Variants in SCGB2B2 observed in about 807,000 individuals in gnomAD.
SCGB2B2 encodes secretoglobin family 2B member 2, also known as secretoglobin-like protein.
Under a neutral mutation model 7.6 loss-of-function variants are expected in SCGB2B2, and 11 were observed. The ratio of observed to expected loss-of-function variants is 1.45; its 90% CI spans 0.91 to 2.40. The LOEUF is 2.40. SCGB2B2 is among the 30% of genes most tolerant of loss of function. The pLI, the probability that SCGB2B2 is intolerant of heterozygous loss-of-function variation, is 0.00. For synonymous variants in SCGB2B2, 50 were observed against 48.6 expected, an observed-to-expected ratio of 1.03 and a Z score of -0.12; for missense variants, 104 against 115.4, an observed-to-expected ratio of 0.90 and a Z score of 0.45.
intron 1 of SCGB2B2, among the ~76,000 whole-genome samples, chr19:34,621,911 G>C (rs1441915131): frequency 6.6e-6 from 1 of 152,210 alleles, no homozygotes; most frequent in South Asian, 2.1e-4. Flanking sequence ...CCTCTGGGAG[G>C]AAAGTGTCTG....
At chr19:34,617,204 T>G (rs1442929699) in intron 1 of SCGB2B2, among the ~76,000 whole-genome samples, 2 of 152,150 alleles carry the variant, frequency 1.3e-5, no homozygotes, top group Non-Finnish European at 2.9e-5. Flanking sequence ...TAAAGTAGTT[T>G]TTTCCAATTC....
chr19:34,586,117 G>A (rs1186152567), downstream of SCGB2B2, among the ~76,000 whole-genome samples: 1 of 152,112 alleles, frequency 6.6e-6, no homozygotes, highest in South Asian at 2.1e-4. Flanking sequence ...AAACACAGTT[G>A]AGTTTTGGGG....
intron 1 of SCGB2B2, among the ~76,000 whole-genome samples, chr19:34,644,371 T>TG (rs1291238008): frequency 6.9e-6 from 1 of 144,736 alleles, no homozygotes; most frequent in East Asian, 1.9e-4. Context: ...TGTTTTTTTT[T>TG]TTTTACTCTG....
At chr19:34,626,605 A>G (rs1289425649) in intron 1 of SCGB2B2, among the ~76,000 whole-genome samples, 1 of 152,246 alleles carries the variant, frequency 6.6e-6, no homozygotes, top group Admixed American at 6.5e-5. Context: ...ATATGGGACC[A>G]TGTGAAAAGA....
chr19:34,607,049 C>T (rs2065801331), intron 1 of SCGB2B2, among the ~76,000 whole-genome samples: 2 of 152,300 alleles, frequency 1.3e-5, no homozygotes, highest in South Asian at 2.1e-4. Context: ...ATTCATCCCC[C>T]GGCTACACTT....
chr19:34,663,635 C>T (rs1215251863), intron 1 of SCGB2B2, among the ~76,000 whole-genome samples: 1 of 152,202 alleles, frequency 6.6e-6, no homozygotes, highest in African/African-American at 2.4e-5. Flanking sequence ...CTTTCTTCAA[C>T]TGCAGGGGTA....
chr19:34,672,228 A>ATT (rs11372781), intron 1 of SCGB2B2, among the ~76,000 whole-genome samples: 1,848 of 146,250 alleles, frequency 0.013, 18 homozygotes, highest in Non-Finnish European at 0.016. Context: ...TTTTTCTCAC[A>ATT]TTTTTTTTTT....
chr19:34,671,399 C>G (rs1286286019), intron 1 of SCGB2B2, among the ~76,000 whole-genome samples: 1 of 151,710 alleles, frequency 6.6e-6, no homozygotes, highest in Admixed American at 6.6e-5. Context: ...TATAATATGT[C>G]TTTAAATCAG....
intron 1 of SCGB2B2, among the ~76,000 whole-genome samples, chr19:34,641,960 A>G (rs2066854646): frequency 6.6e-6 from 1 of 151,004 alleles, no homozygotes; most frequent in Non-Finnish European, 1.5e-5. Context: ...TCCTCATGTC[A>G]GTGATTTACA....
intron 1 of SCGB2B2, among the ~76,000 whole-genome samples, chr19:34,627,559 A>G (rs2066413883): frequency 6.6e-6 from 1 of 152,248 alleles, no homozygotes; most frequent in African/African-American, 2.4e-5. Flanking sequence ...TTCAACAAGA[A>G]GAGCTAACTA....
Position 34,642,714 on chromosome 19 carries a change from CAA to C in SCGB2B2, c.-2032+32914_-2032+32915del, listed in dbSNP as rs55922005. Among the ~76,000 whole-genome samples, 8 of 39,880 alleles carry C rather than the reference CAA, an allele frequency of 2.0e-4. No individual in the cohort carries two copies. In the South Asian group the frequency reaches 5.5e-3, roughly 27 times the overall value. 26.2% of individuals were successfully genotyped at this position (39,880 alleles called of 152,430 possible). On this transcript the variant is annotated intron_variant, in intron 1 of 3. Coordinates refer to ENST00000601241, the MANE Select transcript of SCGB2B2 (RefSeq NM_001025591.4). ...TGGGCGACAGAGCAAGACTCCGTCT[CAA>C]AAAAAAAAAAAAAAAAAAAAAAAGT...
At chr19:34,660,512 C>A (rs1265902870) in intron 1 of SCGB2B2, among the ~76,000 whole-genome samples, 2 of 152,200 alleles carry the variant, frequency 1.3e-5, no homozygotes, top group Non-Finnish European at 2.9e-5. Context: ...GACATTTATG[C>A]AGCCAACAGA....
At chr19:34,586,365 A>T (rs1418345665), downstream of SCGB2B2, among the ~76,000 whole-genome samples, 1 of 152,230 alleles carries the variant, frequency 6.6e-6, no homozygotes. Flanking sequence ...TAATGATCAA[A>T]ATAATGAACA....
intron 1 of SCGB2B2, among the ~76,000 whole-genome samples, chr19:34,662,207 A>C (rs1463044711): frequency 3.3e-5 from 5 of 149,500 alleles, no homozygotes; most frequent in African/African-American, 1.0e-4. Flanking sequence ...GTGTGACCCA[A>C]AACAATTCTT....
intron 1 of SCGB2B2, chr19:34,645,695 C>A: frequency 2.3e-6 from 1 of 425,708 alleles, no homozygotes. Flanking sequence ...TGCTCTTCTG[C>A]TGGCTCTAAT....
At position 34,594,618 on chromosome 19, in the gene SCGB2B2, C is replaced by A; in HGVS notation, c.-55G>T. 7.2e-7 allele frequency: 1 copy of A among 1,391,786 alleles called. No individual in the cohort carries two copies. 86.2% of individuals were successfully genotyped at this position (1,391,786 alleles called of 1,614,324 possible). On this transcript the variant is annotated 5_prime_UTR_variant, in exon 2 of 4. Coordinates refer to ENST00000601241, the MANE Select transcript of SCGB2B2 (RefSeq NM_001025591.4). Reference sequence around the variant, plus strand: ...GGCAGGGAATTTGGCGATGGGTGAGCTTTATGTATATCTGAACAAGGCACA... The same window carrying A: ...GGCAGGGAATTTGGCGATGGGTGAGATTTATGTATATCTGAACAAGGCACA...
intron 1 of SCGB2B2, among the ~76,000 whole-genome samples, chr19:34,647,916 C>T (rs769617382): frequency 7.9e-5 from 12 of 152,166 alleles, no homozygotes; most frequent in Non-Finnish European, 1.2e-4. Context: ...CTGAGGCAGC[C>T]ACCAGGTGAA....
downstream of SCGB2B2, among the ~76,000 whole-genome samples, chr19:34,589,406 TC>T (rs1472117282): frequency 6.6e-6 from 1 of 151,910 alleles, no homozygotes; most frequent in Non-Finnish European, 1.5e-5. Context: ...TGCTCAGGAG[TC>T]CTGGGAGGCC....
intron 1 of SCGB2B2, among the ~76,000 whole-genome samples, chr19:34,651,960 TCAGAAA>T (rs2067171595): frequency 6.6e-6 from 1 of 150,808 alleles, no homozygotes; most frequent in African/African-American, 2.5e-5. Flanking sequence ...AATAGATAAC[TCAGAAA>T]CACATCCAGC....
Sources: allele counts gnomAD v4.1 joint callset (sites outside exome capture counted in the v4.1 genomes callset), GRCh38; gene constraint gnomAD v4.1.1; transcripts MANE v1.5; gene names NCBI Gene and HGNC (gene_info 2026-07-23, HGNC 2026-07-21).